The following NRXN1 variants were observed in gnomAD, a reference collection of about 807,000 sequenced individuals.
The protein encoded by NRXN1 is neurexin-1.
A neutral mutation model predicts 150.9 loss-of-function variants in NRXN1; 39 were observed. The observed-to-expected ratio is 0.26, with a 90% confidence interval of 0.20 to 0.34. The LOEUF (loss-of-function observed/expected upper bound fraction) is 0.34, where lower values mean the gene tolerates loss of function less well. Ranked by LOEUF, NRXN1 falls within the 10% of genes least tolerant of loss-of-function variation. NRXN1 has a pLI of 1.00. For missense variants in NRXN1, 1,815 were observed against 1,949.9 expected, an observed-to-expected ratio of 0.93 and a Z score of 1.30; for synonymous variants, 924 against 757.0, an observed-to-expected ratio of 1.22 and a Z score of -3.62.
intron 21 of NRXN1, chr2:49,969,695 A>G (rs1342305928): frequency 6.6e-6 from 1 of 151,966 alleles, no homozygotes; most frequent in Non-Finnish European, 1.5e-5. Context: ...ACCAGGATCA[A>G]CTCTGCTTAG....
At chr2:50,093,524 A>G (rs1699850159) in intron 18 of NRXN1, among the ~76,000 whole-genome samples, 1 of 151,482 alleles carries the variant, frequency 6.6e-6, no homozygotes, top group Non-Finnish European at 1.5e-5. Flanking sequence ...ATTCCCAACT[A>G]CTCAGGAGGC....
Position 50,401,105 on chromosome 2 carries a change from C to T in NRXN1, c.3364+64337G>A, listed in dbSNP as rs758293798. ...TTTAAATTTTCTTCCATGATTTTCT[C>T]GGATATTTTTGGCCCTGTTATCAAA... On this transcript the variant is annotated intron_variant, in intron 17 of 22. Coordinates refer to ENST00000401669, the MANE Select transcript of NRXN1 (RefSeq NM_001330078.2). 4.6e-5 allele frequency among the ~76,000 whole-genome samples: 7 copies of T among 152,186 alleles called. No individual in the cohort carries two copies. In the East Asian group the frequency reaches 7.7e-4, roughly 17 times the overall value.
chr2:50,514,214 G>T (rs1418453163), intron 12 of NRXN1, among the ~76,000 whole-genome samples: 1 of 152,024 alleles, frequency 6.6e-6, no homozygotes, highest in Non-Finnish European at 1.5e-5. Flanking sequence ...TGGACAGGCA[G>T]GAATTTTTTA....
chr2:50,711,507 T>C (rs930915039), intron 5 of NRXN1, among the ~76,000 whole-genome samples: 9 of 151,988 alleles, frequency 5.9e-5, no homozygotes, highest in Non-Finnish European at 1.2e-4. Flanking sequence ...GACTAATTTA[T>C]GTATTTTTAG....
intron 17 of NRXN1, among the ~76,000 whole-genome samples, chr2:50,258,871 T>A (rs1348803904): frequency 6.6e-6 from 1 of 152,044 alleles, no homozygotes; most frequent in Admixed American, 6.6e-5. Flanking sequence ...AGGTGCATTG[T>A]CAATGAGCAG....
chr2:50,812,869 T>C (rs1668419311), intron 5 of NRXN1, among the ~76,000 whole-genome samples: 2 of 151,744 alleles, frequency 1.3e-5, no homozygotes, highest in Non-Finnish European at 2.9e-5. Context: ...TTTTTTTAAA[T>C]CTTGAAAAAA....
chr2:50,185,228 C>T (rs373909933), intron 18 of NRXN1, among the ~76,000 whole-genome samples: 4 of 152,044 alleles, frequency 2.6e-5, no homozygotes, highest in African/African-American at 9.7e-5. Context: ...TGATCTATAA[C>T]TTCCATTTGT....
chr2:50,098,777 G>A (rs1258715685), intron 18 of NRXN1, among the ~76,000 whole-genome samples: 2 of 143,618 alleles, frequency 1.4e-5, no homozygotes, highest in Non-Finnish European at 3.0e-5. Context: ...ACCCTTAGAG[G>A]ATGAGTCAAG....
At chr2:50,804,759 C>CT (rs2105720792) in intron 5 of NRXN1, among the ~76,000 whole-genome samples, 1 of 152,266 alleles carries the variant, frequency 6.6e-6, no homozygotes, top group African/African-American at 2.4e-5. Flanking sequence ...AAGTCAAAAG[C>CT]TTTTTCTTCT....
intron 5 of NRXN1, among the ~76,000 whole-genome samples, chr2:50,873,589 G>T (rs1678120003): frequency 6.6e-6 from 1 of 151,748 alleles, no homozygotes; most frequent in Non-Finnish European, 1.5e-5. Flanking sequence ...TTTATGCTCT[G>T]AATTAACCAT....
intron 8 of NRXN1, among the ~76,000 whole-genome samples, chr2:50,561,698 T>A (rs1669104055): frequency 6.6e-6 from 1 of 152,204 alleles, no homozygotes; most frequent in South Asian, 2.1e-4. Flanking sequence ...TAAAGGTGAC[T>A]CCAACTTTAA....
At chr2:50,511,542 G>A (rs2092452255) in intron 12 of NRXN1, among the ~76,000 whole-genome samples, 1 of 152,110 alleles carries the variant, frequency 6.6e-6, no homozygotes, top group Non-Finnish European at 1.5e-5. Flanking sequence ...GTTTGCTGGT[G>A]ACCCTGTAGC....
At chr2:50,979,145 T>C (rs1383966903) in intron 2 of NRXN1, 1 of 406,568 alleles carries the variant, frequency 2.5e-6, no homozygotes, top group East Asian at 6.1e-5. Flanking sequence ...AAAACCTTGA[T>C]ATAGCTAAAA....
At chr2:50,549,801 T>C (rs13415985) in intron 9 of NRXN1, among the ~76,000 whole-genome samples, 1,617 of 152,314 alleles carry the variant, frequency 0.011, 28 homozygotes, top group African/African-American at 0.037. Flanking sequence ...ATTGCATCAA[T>C]ACTTTCTCCT....
At chr2:50,145,894 A>T (rs1193310991) in intron 18 of NRXN1, among the ~76,000 whole-genome samples, 1 of 151,572 alleles carries the variant, frequency 6.6e-6, no homozygotes, top group Non-Finnish European at 1.5e-5. Flanking sequence ...AGTGCTATGG[A>T]TAGGTGATAT....
intron 15 of NRXN1, among the ~76,000 whole-genome samples, chr2:50,483,050 CAAAAAAAAAA>C (rs70948712): frequency 1.3e-5 from 1 of 75,414 alleles, no homozygotes. Flanking sequence ...GACTCCGTGT[CAAAAAAAAAA>C]AAAAAAAAAA....
chr2:50,454,044 C>A (rs2087265839), intron 17 of NRXN1, among the ~76,000 whole-genome samples: 1 of 152,022 alleles, frequency 6.6e-6, no homozygotes, highest in Non-Finnish European at 1.5e-5. Flanking sequence ...TGATAATATA[C>A]AGGCCAGGTG....
intron 18 of NRXN1, among the ~76,000 whole-genome samples, chr2:50,190,862 C>T (rs111273985): frequency 0.058 from 8,764 of 152,128 alleles, 304 homozygotes; most frequent in Middle Eastern, 0.11. Context: ...ATCCACCTGC[C>T]TTGGCCTCAC....
Position 51,027,506 on chromosome 2 carries a change from G to C in NRXN1, c.768C>G (p.Ser256Arg), listed in dbSNP as rs1670709309. Residue 256 changes from serine to arginine, a missense_variant, in exon 2 of 23, where the codon AGC becomes AGG. This residue lies in a region of NRXN1 where 554 missense variants were observed against 478.8 expected (regional missense o/e 1.16). Transcript: ENST00000401669. ...SRTGFRGKDC[S>R]QEDNNVEGLA... Reference sequence around the variant, plus strand: ...GGGTCGGGCGTCGGGCCTTACCTTGGCTGCAGTCCTTGCCGCGGAAGCCGG... The same window carrying C: ...GGGTCGGGCGTCGGGCCTTACCTTGCCTGCAGTCCTTGCCGCGGAAGCCGG... 6.5e-7 allele frequency: 1 copy of C among 1,528,864 alleles called. No homozygotes were observed. Among genetic ancestry groups the C allele is most frequent in the Admixed American group, 2.0e-5 (1 of 50,384 alleles). 94.7% of individuals were successfully genotyped at this position (1,528,864 alleles called of 1,614,324 possible). A position where few individuals can be genotyped will look rare whatever the true frequency, so the allele number is the denominator to read the frequency against.
Sources: gnomAD v4.1 joint callset for allele counts (sites outside exome capture counted in the v4.1 genomes callset) on GRCh38, gnomAD v4.1.1 for gene constraint, gnomAD v4.1.1 regional missense constraint, MANE v1.5 for transcripts, NCBI Gene and HGNC (gene_info 2026-07-23, HGNC 2026-07-21) for gene names.